The following TUSC3 variants were observed in gnomAD, a reference collection of about 807,000 sequenced individuals.
The protein encoded by TUSC3 is dolichyl-diphosphooligosaccharide--protein glycosyltransferase subunit TUSC3.
A neutral mutation model predicts 44.8 loss-of-function variants in TUSC3; 45 were observed. That is an observed-to-expected ratio of 1.00 (90% CI 0.79 to 1.29). TUSC3 has a LOEUF of 1.29. Ranked by LOEUF, TUSC3 falls within the 50% of genes most tolerant of loss-of-function variation. The pLI, the probability that TUSC3 is intolerant of heterozygous loss-of-function variation, is 0.00. For missense variants in TUSC3, 519 were observed against 437.9 expected, an observed-to-expected ratio of 1.19 and a Z score of -1.65; for synonymous variants, 212 against 152.9, an observed-to-expected ratio of 1.39 and a Z score of -2.85.
chr8:15,716,605 T>G (rs1810071392), intron 6 of TUSC3, among the ~76,000 whole-genome samples: 1 of 152,168 alleles, frequency 6.6e-6, no homozygotes, highest in East Asian at 1.9e-4. Context: ...GAAATATACT[T>G]TGAAATCTCT....
At chr8:15,627,409 C>T (rs117595879) in intron 2 of TUSC3, among the ~76,000 whole-genome samples, 5 of 152,258 alleles carry the variant, frequency 3.3e-5, no homozygotes, top group Non-Finnish European at 5.9e-5. Context: ...TTGTCTTACT[C>T]ACCCTCCGGT....
At chr8:15,678,311 G>A (rs1808275716) in intron 6 of TUSC3, among the ~76,000 whole-genome samples, 1 of 152,074 alleles carries the variant, frequency 6.6e-6, no homozygotes, top group Admixed American at 6.5e-5. Flanking sequence ...AAGTCAGGCT[G>A]GAACACACTA....
chr8:15,638,515 CTTTTTTTTTTTTTT>C (rs547743726), intron 2 of TUSC3, among the ~76,000 whole-genome samples: 905 of 81,152 alleles, frequency 0.011, 20 homozygotes, highest in African/African-American at 0.042. Flanking sequence ...TTCTTTTTTT[CTTTTTTTTTTTTTT>C]TTTTTTTTTT....
At position 15,540,430 on chromosome 8, in the gene TUSC3, G is replaced by A. The variant is rs1434323928; in HGVS notation, c.-1G>A. The A allele has an allele frequency of 1.3e-6, 2 of 1,587,844 alleles. No individual in the cohort carries two copies. Among genetic ancestry groups the A allele is most frequent in the Non-Finnish European group, 1.7e-6 (2 of 1,168,420 alleles). ...CGTGGAGGAGACACTGCCCTGCCGC[G>A]ATGGGGGCCCGGGGCGCTCCTTCAC... On this transcript the variant is annotated 5_prime_UTR_variant, in exon 1 of 11. Transcript: ENST00000503731.
chr8:15,836,414 T>C, the TUSC3 span, among the ~76,000 whole-genome samples: 16 of 150,436 alleles, frequency 1.1e-4, no homozygotes, highest in East Asian at 2.4e-3. Flanking sequence ...GAGGTGGAGG[T>C]TGCAGTGAGC....
At chr8:15,844,840 T>C in the TUSC3 span, among the ~76,000 whole-genome samples, 1 of 152,210 alleles carries the variant, frequency 6.6e-6, no homozygotes, top group African/African-American at 2.4e-5. Flanking sequence ...AATCTCATTT[T>C]ACATTAAAGC....
rs1046618335 is a variant in TUSC3 at position 15,459,803 on chromosome 8, T to A, written n.92-23583T>A. 1.4e-4 allele frequency among the ~76,000 whole-genome samples: 21 copies of A among 152,194 alleles called. No homozygotes were observed. The East Asian group carries it at 3.7e-3, about 27-fold the overall frequency. The stretch of plus-strand genomic sequence containing the variant: ...GGTCAATGCGAGTGCCATTAATTCA[T>A]TCCCTTTTATGGCTAAGTAGTATTC... On this transcript the variant is annotated intron_variant and non_coding_transcript_variant, in intron 1 of 5. Transcript: ENST00000503191.
At chr8:15,773,990 A>G in the TUSC3 span, among the ~76,000 whole-genome samples, 4 of 152,320 alleles carry the variant, frequency 2.6e-5, no homozygotes, top group Admixed American at 2.0e-4. Context: ...GGGTTTGGCA[A>G]CAGTTTCTTG....
intron 6 of TUSC3, among the ~76,000 whole-genome samples, chr8:15,708,607 A>G (rs778386697): frequency 6.6e-6 from 1 of 151,992 alleles, no homozygotes; most frequent in Non-Finnish European, 1.5e-5. Context: ...AGTTGATAAC[A>G]TATGCCATAA....
intron 5 of TUSC3, among the ~76,000 whole-genome samples, chr8:15,672,478 G>T (rs1343958745): frequency 6.6e-6 from 1 of 151,906 alleles, no homozygotes; most frequent in Admixed American, 6.6e-5. Context: ...GGAAACTGAG[G>T]CCCAAAGCAA....
chr8:15,627,417 G>C (rs1051783127), intron 2 of TUSC3, among the ~76,000 whole-genome samples: 1 of 152,206 alleles, frequency 6.6e-6, no homozygotes, highest in Admixed American at 6.5e-5. Flanking sequence ...CTCACCCTCC[G>C]GTTGTTTGTG....
In TUSC3 at chr8:15,652,367, T is replaced by C. The variant is rs542644750; in HGVS notation, c.426+1553T>C. ...AGTTTCTAGTTAAATAAATTCTCTC[T>C]TTTTGCCTTCAACATTCTTTTTCTG... On this transcript the variant is annotated intron_variant, in intron 3 of 10. Coordinates refer to ENST00000503731, the MANE Select transcript of TUSC3 (RefSeq NM_006765.4). Among the ~76,000 whole-genome samples the C allele has an allele frequency of 1.3e-4, 20 of 152,306 alleles. No individual in the cohort carries two copies. The South Asian group carries it at 4.1e-3, about 32-fold the overall frequency.
intron 1 of TUSC3, among the ~76,000 whole-genome samples, chr8:15,440,558 T>A (rs753299648): frequency 2.6e-5 from 4 of 152,188 alleles, no homozygotes; most frequent in Non-Finnish European, 5.9e-5. Flanking sequence ...ACAGACTAGT[T>A]AGAAGTCTGT....
the TUSC3 span, among the ~76,000 whole-genome samples, chr8:15,827,994 C>CTT: frequency 0.44 from 61,247 of 137,876 alleles, 15,495 homozygotes; most frequent in Non-Finnish European, 0.58. Flanking sequence ...AATTTGGTAT[C>CTT]TTTTTTTTTT....
intron 1 of TUSC3, among the ~76,000 whole-genome samples, chr8:15,617,120 A>ATGTGTGGGTGTG (rs1805021585): frequency 8.1e-6 from 1 of 123,720 alleles, no homozygotes; most frequent in South Asian, 2.6e-4. Context: ...TATCTGTAAA[A>ATGTGTGGGTGTG]TGTGTGTGTG....
intron 6 of TUSC3, among the ~76,000 whole-genome samples, chr8:15,687,117 C>A (rs534005806): frequency 3.8e-4 from 58 of 152,236 alleles, no homozygotes; most frequent in African/African-American, 1.3e-3. Flanking sequence ...GAGTAATTGA[C>A]ATACATTAAG....
intron 2 of TUSC3, among the ~76,000 whole-genome samples, chr8:15,650,389 C>G (rs1242413934): frequency 3.9e-5 from 6 of 152,086 alleles, no homozygotes; most frequent in African/African-American, 1.4e-4. Context: ...AAGGGCTAGG[C>G]TTTGTGATAC....
chr8:15,432,094 G>C (rs1799879791), intron 1 of TUSC3, among the ~76,000 whole-genome samples: 1 of 151,758 alleles, frequency 6.6e-6, no homozygotes, highest in African/African-American at 2.4e-5. Context: ...GTTCTTGTCT[G>C]GCTTTGGTAT....
chr8:15,726,474 A>T (rs570394690), intron 6 of TUSC3, among the ~76,000 whole-genome samples: 2 of 152,130 alleles, frequency 1.3e-5, no homozygotes, highest in East Asian at 3.9e-4. Flanking sequence ...TTTTTATTGA[A>T]TCACTTTTTA....
Sources: allele counts gnomAD v4.1 joint callset (sites outside exome capture counted in the v4.1 genomes callset), GRCh38; gene constraint gnomAD v4.1.1; transcripts MANE v1.5; gene names NCBI Gene and HGNC (gene_info 2026-07-23, HGNC 2026-07-21).